KCTD8: variants seen among roughly 807,000 people sequenced by gnomAD.
The protein encoded by KCTD8 is BTB/POZ domain-containing protein KCTD8.
A neutral mutation model predicts 31.5 loss-of-function variants in KCTD8; 27 were observed. That is an observed-to-expected ratio of 0.86 (90% confidence interval 0.63 to 1.18). KCTD8 has a LOEUF of 1.18. KCTD8 is among the 50% of genes most tolerant of loss of function. The probability of loss-of-function intolerance (pLI) is 0.00; values close to 1 mark genes in which losing one functional copy is unlikely to be tolerated. For missense variants in KCTD8, 658 were observed against 647.7 expected (o/e 1.02, Z -0.17); for synonymous variants, 290 against 280.0 (o/e 1.04, Z -0.36).
At chr4:44,326,113 C>T (rs1490450) in intron 1 of KCTD8, among the ~76,000 whole-genome samples, 144,764 of 151,976 alleles carry the variant, frequency 0.95, 69,025 homozygotes, top group East Asian at 1. Flanking sequence ...GGTTCACAAC[C>T]TTGTGTTTTT....
chr4:44,253,628 G>C (rs527583920), intron 1 of KCTD8, among the ~76,000 whole-genome samples: 1 of 151,578 alleles, frequency 6.6e-6, no homozygotes. Flanking sequence ...AGCACAAATG[G>C]ATATAGAGAG....
intron 1 of KCTD8, among the ~76,000 whole-genome samples, chr4:44,406,270 A>G (rs1172286127): frequency 6.6e-6 from 1 of 152,152 alleles, no homozygotes; most frequent in Non-Finnish European, 1.5e-5. Flanking sequence ...TCATCCCCCA[A>G]AGCATAATAT....
At chr4:44,237,235 C>CTT (rs112723265) in intron 1 of KCTD8, among the ~76,000 whole-genome samples, 35 of 149,008 alleles carry the variant, frequency 2.3e-4, no homozygotes, top group African/African-American at 8.1e-4. Flanking sequence ...TTTATGCTCC[C>CTT]TTTTTTTTTT....
At chr4:44,377,836 G>T (rs549420381) in intron 1 of KCTD8, among the ~76,000 whole-genome samples, 2 of 152,026 alleles carry the variant, frequency 1.3e-5, no homozygotes, top group Non-Finnish European at 2.9e-5. Flanking sequence ...GCTATATTAC[G>T]TCTTCTTCTT....
intron 1 of KCTD8, among the ~76,000 whole-genome samples, chr4:44,413,546 T>C (rs931283261): frequency 6.6e-6 from 1 of 152,162 alleles, no homozygotes; most frequent in Non-Finnish European, 1.5e-5. Context: ...ATGAGCTATA[T>C]ATAGAAACTT....
At chr4:44,392,809 T>A (rs1023687133) in intron 1 of KCTD8, among the ~76,000 whole-genome samples, 6 of 152,036 alleles carry the variant, frequency 3.9e-5, no homozygotes, top group Non-Finnish European at 2.9e-5. Context: ...TTCATCATAA[T>A]TTCTGTCTTG....
At chr4:44,431,084 A>C (rs181588716) in intron 1 of KCTD8, among the ~76,000 whole-genome samples, 1 of 151,792 alleles carries the variant, frequency 6.6e-6, no homozygotes, top group Admixed American at 6.6e-5. Flanking sequence ...TAGCAATAAA[A>C]ACTTTACGAT....
At chr4:44,418,733 T>A (rs1577664135) in intron 1 of KCTD8, among the ~76,000 whole-genome samples, 1 of 152,318 alleles carries the variant, frequency 6.6e-6, no homozygotes, top group African/African-American at 2.4e-5. Context: ...AAATCACACT[T>A]AAAACCTCTT....
At chr4:44,321,115 C>G (rs1718284635) in intron 1 of KCTD8, among the ~76,000 whole-genome samples, 1 of 152,164 alleles carries the variant, frequency 6.6e-6, no homozygotes, top group Admixed American at 6.5e-5. Flanking sequence ...CCTTGTTTAG[C>G]TTATCACTTC....
chr4:44,358,568 T>C (rs1577634874), intron 1 of KCTD8, among the ~76,000 whole-genome samples: 1 of 43,946 alleles, frequency 2.3e-5, no homozygotes, highest in African/African-American at 5.9e-5. Flanking sequence ...GTTTCCTGAC[T>C]TTTTTTTTTT....
At chr4:44,434,671 C>A (rs978045472) in intron 1 of KCTD8, among the ~76,000 whole-genome samples, 1 of 151,920 alleles carries the variant, frequency 6.6e-6, no homozygotes, top group African/African-American at 2.4e-5. Flanking sequence ...AGCACTGTCT[C>A]TAACTGAAGA....
rs1720317194 is a variant in KCTD8, at chr4:44,389,645, T to A, written c.961+57918A>T. ...AGTATGGAGTTTAAGTTTTGCAAGA[T>A]GTAAAGAGTTCTGGAGATTGGTTGC... On this transcript the variant is annotated intron_variant, in intron 1 of 1. Coordinates refer to ENST00000360029, the MANE Select transcript of KCTD8 (RefSeq NM_198353.3). 2.6e-5 allele frequency among the ~76,000 whole-genome samples: 4 copies of A among 151,878 alleles called. No homozygotes were observed. In the South Asian group the frequency reaches 8.3e-4, roughly 31 times the overall value.
intron 1 of KCTD8, among the ~76,000 whole-genome samples, chr4:44,236,284 A>G (rs1715289356): frequency 6.6e-6 from 1 of 152,186 alleles, no homozygotes; most frequent in African/African-American, 2.4e-5. Flanking sequence ...CATAGTTGAT[A>G]TTGCACACAA....
rs887181252 is a variant in KCTD8 at position 44,426,321 on chromosome 4, A to T, written c.961+21242T>A. 3.2e-5 allele frequency among the ~76,000 whole-genome samples: 4 copies of T among 126,208 alleles called. No individual in the cohort carries two copies. The Admixed American group carries it at 3.2e-4, about 10-fold the overall frequency. 82.8% of individuals were successfully genotyped at this position (126,208 alleles called of 152,430 possible). On this transcript the variant is annotated intron_variant, in intron 1 of 1. Coordinates refer to ENST00000360029, the MANE Select transcript of KCTD8 (RefSeq NM_198353.3). ...ATAGAAATCAAACCCACCAAAAAAAATTAGGAAAAATTAAAAAACTAGAAG... is the reference window on the plus strand; with the variant it reads ...ATAGAAATCAAACCCACCAAAAAAATTTAGGAAAAATTAAAAAACTAGAAG...
At chr4:44,342,629 A>G (rs2109419464) in intron 1 of KCTD8, among the ~76,000 whole-genome samples, 1 of 152,304 alleles carries the variant, frequency 6.6e-6, no homozygotes, top group African/African-American at 2.4e-5. Context: ...TAAGCTTTTA[A>G]GCCAGGTATT....
intron 1 of KCTD8, among the ~76,000 whole-genome samples, chr4:44,257,682 T>C (rs1051094656): frequency 6.6e-6 from 1 of 152,128 alleles, no homozygotes; most frequent in East Asian, 1.9e-4. Context: ...TATTGCTTAA[T>C]AGGCACACTG....
At chr4:44,415,944 C>T (rs187838756) in intron 1 of KCTD8, among the ~76,000 whole-genome samples, 1 of 152,278 alleles carries the variant, frequency 6.6e-6, no homozygotes, top group East Asian at 1.9e-4. Flanking sequence ...TCCTCCAGAC[C>T]TCAGAATAGT....
intron 1 of KCTD8, among the ~76,000 whole-genome samples, chr4:44,245,644 A>C (rs1715642733): frequency 6.6e-6 from 1 of 152,030 alleles, no homozygotes; most frequent in Admixed American, 6.6e-5. Flanking sequence ...ACTATCAAGA[A>C]AATGAGATTA....
At chr4:44,221,426 G>A (rs542179731) in intron 1 of KCTD8, among the ~76,000 whole-genome samples, 7 of 151,922 alleles carry the variant, frequency 4.6e-5, no homozygotes, top group African/African-American at 1.4e-4. Context: ...CTAGAGGGAC[G>A]GGACTAATAG....
Sources: gnomAD v4.1 joint callset for allele counts (sites outside exome capture counted in the v4.1 genomes callset) on GRCh38, gnomAD v4.1.1 for gene constraint, MANE v1.5 for transcripts, NCBI Gene and HGNC (gene_info 2026-07-23, HGNC 2026-07-21) for gene names.